The following KCNC2 variants were observed in gnomAD, a reference collection of about 807,000 sequenced individuals.
KCNC2 encodes potassium voltage-gated channel subfamily C member 2, also known as voltage-gated potassium channel KCNC2.
KCNC2 carries 21 observed loss-of-function variants against 44.5 expected under a neutral mutation model. The observed-to-expected ratio is 0.47, with a 90% CI of 0.33 to 0.68. The LOEUF is 0.68. KCNC2 is among the 30% of genes least tolerant of loss of function. The pLI is 0.01. For synonymous variants in KCNC2, 391 were observed against 339.1 expected (o/e 1.15, Z -1.68); for missense variants, 589 against 826.2 (o/e 0.71, Z 3.52).
At chr12:75,161,137 G>A (rs984336496) in intron 2 of KCNC2, among the ~76,000 whole-genome samples, 3 of 151,426 alleles carry the variant, frequency 2.0e-5, no homozygotes, top group African/African-American at 7.3e-5. Flanking sequence ...AATTAATGGA[G>A]GTTTAGATAT....
intron 3 of KCNC2, among the ~76,000 whole-genome samples, chr12:75,048,824 G>A (rs1179515638): frequency 6.6e-6 from 1 of 152,104 alleles, no homozygotes; most frequent in Non-Finnish European, 1.5e-5. Context: ...TCCGTTTCCA[G>A]GTAGTCAATT....
intron 2 of KCNC2, among the ~76,000 whole-genome samples, chr12:75,116,579 T>C (rs913694880): frequency 1.3e-5 from 2 of 152,066 alleles, no homozygotes; most frequent in Non-Finnish European, 2.9e-5. Context: ...AAACAACATT[T>C]AAAAATAGCT....
chr12:75,171,213 G>A (rs1891796219), intron 2 of KCNC2, among the ~76,000 whole-genome samples: 1 of 151,786 alleles, frequency 6.6e-6, no homozygotes, highest in Admixed American at 6.6e-5. Flanking sequence ...CTGATTAGGA[G>A]CCTTAGTTAC....
chr12:75,127,654 G>A (rs1422207446), intron 2 of KCNC2, among the ~76,000 whole-genome samples: 3 of 152,130 alleles, frequency 2.0e-5, no homozygotes, highest in Non-Finnish European at 4.4e-5. Flanking sequence ...TCTCTAAAAT[G>A]AGGAGGCAGG....
At chr12:75,145,273 T>C (rs547694077) in intron 2 of KCNC2, among the ~76,000 whole-genome samples, 2 of 152,174 alleles carry the variant, frequency 1.3e-5, no homozygotes, top group Non-Finnish European at 2.9e-5. Flanking sequence ...CAAGTGCTTC[T>C]TAACACTTCC....
chr12:75,174,293 CTT>C lies in KCNC2; in HGVS notation c.687+33002_687+33003del, dbSNP rs1415470761. Among the ~76,000 whole-genome samples the C allele has an allele frequency of 2.6e-5, 4 of 151,550 alleles. No individual in the cohort carries two copies. The East Asian group carries it at 7.8e-4, about 30-fold the overall frequency. On this transcript the variant is annotated intron_variant, in intron 2 of 4. Transcript: ENST00000549446. Reference sequence around the variant, plus strand: ...TGAACATTCTGGATCATTAATTAAACTTGATCGGAATTATTGAATTTACTAAA... The same window carrying C: ...TGAACATTCTGGATCATTAATTAAACGATCGGAATTATTGAATTTACTAAA...
intron 2 of KCNC2, among the ~76,000 whole-genome samples, chr12:75,118,869 T>C (rs1446434803): frequency 1.3e-5 from 2 of 152,176 alleles, no homozygotes; most frequent in South Asian, 2.1e-4. Context: ...GGACAGAATA[T>C]AATAGAGATT....
chr12:75,113,977 G>T lies in KCNC2; in HGVS notation c.688-62660C>A, dbSNP rs199626791. Among the ~76,000 whole-genome samples, 3 of 152,066 alleles carry T rather than the reference G, an allele frequency of 2.0e-5. No individual in the cohort carries two copies. The East Asian group carries it at 5.8e-4, about 29-fold the overall frequency. On this transcript the variant is annotated intron_variant, in intron 2 of 4. Transcript: ENST00000549446. Reference sequence around the variant, plus strand: ...TTGTAAGCCTATATCTTTACCCAAAGAAACACACATACACATATATACACA... The same window carrying T: ...TTGTAAGCCTATATCTTTACCCAAATAAACACACATACACATATATACACA...
rs1592746439 is a variant in KCNC2, at chr12:75,043,794, G to A, written c.1781-553C>T. ...TGCCATTATCCAGGTGATGTAGGAT[G>A]GAATGCCCATTTCTAATTCCTTGGG... is the stretch of plus-strand genomic sequence containing the variant. On this transcript the variant is annotated intron_variant, in intron 4 of 4. Transcript: ENST00000549446. 2.7e-6 allele frequency: 4 copies of A among 1,502,158 alleles called. No individual in the cohort carries two copies. In the East Asian group the frequency reaches 9.9e-5, roughly 37 times the overall value. The allele number at this position is 1,502,158 out of a possible 1,614,324, so 93.1% of individuals were successfully genotyped here.
At chr12:75,139,777 A>G (rs1281619481) in intron 2 of KCNC2, among the ~76,000 whole-genome samples, 2 of 152,224 alleles carry the variant, frequency 1.3e-5, no homozygotes, top group African/African-American at 4.8e-5. Context: ...CGTTGTGACA[A>G]CATTAATTAT....
rs556048771 is a variant in KCNC2, at chr12:75,209,657, C to G, written c.-470G>C. ...GATTCCATCTGCAGATTTTGTTTCT[C>G]CCCCAAATCAGCCACTGCTGGAGCT... On this transcript the variant is annotated 5_prime_UTR_variant, in exon 1 of 5. Transcript: ENST00000549446. The G allele has an allele frequency of 6.6e-6, 1 of 152,500 alleles. No homozygotes were observed. The highest frequency in any genetic ancestry group is 2.4e-5 in the African/African-American group (1 of 41,450). The allele number at this position is 152,500 out of a possible 1,614,324, so 9.4% of individuals were successfully genotyped here. A position where few individuals can be genotyped will look rare whatever the true frequency, so the allele number is the denominator to read the frequency against.
chr12:75,040,404 C>T lies in KCNC2; in HGVS notation c.*2701G>A, dbSNP rs1353609094. 6.6e-6 allele frequency: 1 copy of T among 152,306 alleles called. No homozygotes were observed. The highest frequency in any genetic ancestry group is 2.4e-5 in the African/African-American group (1 of 41,406). The allele number at this position is 152,306 out of a possible 1,614,324, so 9.4% of individuals were successfully genotyped here. A position where few individuals can be genotyped will look rare whatever the true frequency, so the allele number is the denominator to read the frequency against. ...AAAAGTAATTGATTAAAGAATATCT[C>T]TTTTATGCAAAATATACATTTTAGG... On this transcript the variant is annotated 3_prime_UTR_variant, in exon 5 of 5. Coordinates refer to ENST00000549446, the MANE Select transcript of KCNC2 (RefSeq NM_139137.4).
intron 3 of KCNC2, 96 bp downstream of exon 3, chr12:75,050,294 T>C (rs751365248): frequency 1.9e-5 from 18 of 934,042 alleles, no homozygotes; most frequent in Middle Eastern, 2.3e-4. Context: ...TGAAAACTCA[T>C]GAACATTTGC....
At chr12:75,087,586 A>G (rs1426254053) in intron 2 of KCNC2, among the ~76,000 whole-genome samples, 2 of 152,024 alleles carry the variant, frequency 1.3e-5, no homozygotes, top group Non-Finnish European at 2.9e-5. Flanking sequence ...GAAAATTACC[A>G]TTTTTTATGC....
chr12:75,130,466 CAAAT>C (rs770638339), intron 2 of KCNC2, among the ~76,000 whole-genome samples: 9 of 152,048 alleles, frequency 5.9e-5, no homozygotes, highest in South Asian at 2.1e-4. Context: ...ATAAAATAAA[CAAAT>C]GAATGAATGG....
chr12:75,199,830 T>C (rs2031090544), intron 2 of KCNC2, among the ~76,000 whole-genome samples: 1 of 151,806 alleles, frequency 6.6e-6, no homozygotes, highest in South Asian at 2.1e-4. Context: ...ATAAAAGACT[T>C]ATACACAAAA....
At chr12:75,049,512 A>G (rs1347181096) in intron 3 of KCNC2, among the ~76,000 whole-genome samples, 2 of 152,100 alleles carry the variant, frequency 1.3e-5, no homozygotes, top group African/African-American at 4.8e-5. Context: ...TGACATCACT[A>G]TTACTTTGGC....
intron 2 of KCNC2, among the ~76,000 whole-genome samples, chr12:75,094,504 T>C (rs1474284567): frequency 6.6e-6 from 1 of 151,704 alleles, no homozygotes; most frequent in East Asian, 1.9e-4. Context: ...AAAGCAAAAT[T>C]CTAATTCTCC....
intron 2 of KCNC2, among the ~76,000 whole-genome samples, chr12:75,201,033 T>A (rs1441724999): frequency 6.6e-6 from 1 of 151,538 alleles, no homozygotes; most frequent in Non-Finnish European, 1.5e-5. Context: ...TGGTTGGATA[T>A]ACACCTGCAC....
Sources: allele counts gnomAD v4.1 joint callset (sites outside exome capture counted in the v4.1 genomes callset), GRCh38; gene constraint gnomAD v4.1.1; transcripts MANE v1.5; gene names NCBI Gene and HGNC (gene_info 2026-07-23, HGNC 2026-07-21).